Variants in GRIP1 observed in about 807,000 individuals in gnomAD.
The protein encoded by GRIP1 is glutamate receptor-interacting protein 1.
Under a neutral mutation model 129.9 loss-of-function variants are expected in GRIP1, and 45 were observed. The ratio of observed to expected loss-of-function variants is 0.35; its 90% CI spans 0.27 to 0.44. The LOEUF (loss-of-function observed/expected upper bound fraction) is 0.44. GRIP1 is among the 20% of genes least tolerant of loss of function. The pLI is 1.00. For synonymous variants in GRIP1, 530 were observed against 520.8 expected (o/e 1.02, Z -0.24); for missense variants, 1,196 against 1,396.8 (o/e 0.86, Z 2.29).
At chr12:66,667,277 A>C (rs1210253716) in intron 1 of GRIP1, among the ~76,000 whole-genome samples, 1 of 152,072 alleles carries the variant, frequency 6.6e-6, no homozygotes, top group East Asian at 1.9e-4. Flanking sequence ...ATAGTTTTAT[A>C]TTCTGTGAAT....
At chr12:66,939,837 C>T (rs1000592779) in intron 1 of GRIP1, among the ~76,000 whole-genome samples, 9 of 152,138 alleles carry the variant, frequency 5.9e-5, no homozygotes, top group African/African-American at 2.2e-4. Flanking sequence ...TACCAGTATA[C>T]ATTCTCCAAT....
intron 5 of GRIP1, among the ~76,000 whole-genome samples, chr12:66,528,558 A>G (rs2139083568): frequency 6.6e-6 from 1 of 152,312 alleles, no homozygotes; most frequent in African/African-American, 2.4e-5. Flanking sequence ...TCTTCGATCC[A>G]TTTTTAGAAA....
At chr12:66,456,478 C>A in intron 9 of GRIP1, 136 bp from the exon 10 acceptor site, 1 of 409,862 alleles carries the variant, frequency 2.4e-6, no homozygotes, top group Non-Finnish European at 4.3e-6. Flanking sequence ...AAAAACAAAT[C>A]TACTTGGCTT....
At chr12:67,044,057 A>G (rs1407796400) in intron 1 of GRIP1, among the ~76,000 whole-genome samples, 1 of 152,186 alleles carries the variant, frequency 6.6e-6, no homozygotes, top group Non-Finnish European at 1.5e-5. Context: ...TTTAATCTTA[A>G]GATAGGTGCC....
At chr12:66,389,330 C>T (rs1468832859) in intron 19 of GRIP1, among the ~76,000 whole-genome samples, 3 of 152,124 alleles carry the variant, frequency 2.0e-5, no homozygotes, top group East Asian at 1.9e-4. Context: ...CTGGTTCAAG[C>T]GATTCTCCTG....
intron 1 of GRIP1, among the ~76,000 whole-genome samples, chr12:67,013,349 T>C (rs1236442921): frequency 2.6e-5 from 4 of 152,196 alleles, no homozygotes; most frequent in African/African-American, 9.6e-5. Flanking sequence ...TTTTAAACAA[T>C]GAACATATAT....
At chr12:66,977,338 A>C (rs1046461047) in intron 1 of GRIP1, among the ~76,000 whole-genome samples, 6 of 151,834 alleles carry the variant, frequency 4.0e-5, no homozygotes, top group African/African-American at 1.5e-4. Context: ...ACTGACTATA[A>C]ATTTACATTT....
chr12:66,993,020 G>A (rs986835934), intron 1 of GRIP1, among the ~76,000 whole-genome samples: 2 of 152,036 alleles, frequency 1.3e-5, no homozygotes, highest in African/African-American at 4.8e-5. Context: ...AGGCTGAGAT[G>A]GGAGCATCTC....
intron 7 of GRIP1, among the ~76,000 whole-genome samples, chr12:66,496,478 A>G (rs1282293124): frequency 6.6e-6 from 1 of 152,210 alleles, no homozygotes; most frequent in Non-Finnish European, 1.5e-5. Context: ...GCTGAACACA[A>G]GGTCATACAG....
chr12:66,977,968 A>G (rs909871735), intron 1 of GRIP1, among the ~76,000 whole-genome samples: 1 of 151,754 alleles, frequency 6.6e-6, no homozygotes, highest in African/African-American at 2.4e-5. Flanking sequence ...GCACACTACC[A>G]TAACTGGCTA....
At chr12:66,604,369 G>T (rs1005660122) in intron 1 of GRIP1, among the ~76,000 whole-genome samples, 5 of 152,182 alleles carry the variant, frequency 3.3e-5, no homozygotes, top group Admixed American at 3.3e-4. Flanking sequence ...AATCACAAAT[G>T]ATAACTCCTA....
chr12:66,515,480 G>C, intron 7 of GRIP1, 139 bp downstream of exon 7: 1 of 837,774 alleles, frequency 1.2e-6, no homozygotes, highest in South Asian at 1.4e-5. Flanking sequence ...AACTCAAACA[G>C]AGTAAAATGA....
chr12:66,618,649 C>A lies in GRIP1; in HGVS notation c.56-21722G>T, dbSNP rs531246739. On this transcript the variant is annotated intron_variant, in intron 1 of 24. Coordinates refer to ENST00000359742, the MANE Select transcript of GRIP1 (RefSeq NM_001366722.1). ...TATCTTTTGCAACTTTCTTTGCCAACAAAGTCTAGTAAATATAAAAAGATT... is the reference window on the plus strand; with the variant it reads ...TATCTTTTGCAACTTTCTTTGCCAAAAAAGTCTAGTAAATATAAAAAGATT... 4.4e-4 allele frequency among the ~76,000 whole-genome samples: 67 copies of A among 152,184 alleles called. 1 individual carries two copies. The highest frequency in any genetic ancestry group is 4.4e-5 in the Non-Finnish European group (3 of 67,978).
chr12:66,597,010 T>C (rs984230598), intron 1 of GRIP1, 83 bp from the exon 2 acceptor site: 2 of 940,050 alleles, frequency 2.1e-6, no homozygotes, highest in African/African-American at 3.2e-5. Flanking sequence ...GCAATCCTTC[T>C]GCGAGAGAGA....
At chr12:66,645,295 T>C (rs750203576) in intron 1 of GRIP1, among the ~76,000 whole-genome samples, 1 of 152,150 alleles carries the variant, frequency 6.6e-6, no homozygotes, top group Non-Finnish European at 1.5e-5. Context: ...ATCTCAACAG[T>C]CATTAACAGA....
At chr12:66,721,976 G>C (rs757297799) in intron 1 of GRIP1, among the ~76,000 whole-genome samples, 1 of 152,190 alleles carries the variant, frequency 6.6e-6, no homozygotes, top group Non-Finnish European at 1.5e-5. Flanking sequence ...TTAGGGCATT[G>C]CTCTGGATTA....
intron 23 of GRIP1, among the ~76,000 whole-genome samples, chr12:66,367,827 A>T (rs1473797387): frequency 2.0e-5 from 3 of 152,124 alleles, no homozygotes; most frequent in Non-Finnish European, 2.9e-5. Context: ...CTTCCCTGTG[A>T]CCCATTTATC....
At chr12:66,931,741 T>C (rs1482714944) in intron 1 of GRIP1, among the ~76,000 whole-genome samples, 1 of 152,138 alleles carries the variant, frequency 6.6e-6, no homozygotes, top group Non-Finnish European at 1.5e-5. Flanking sequence ...TTAGATAAAA[T>C]ACCAGAGAAG....
chr12:66,446,487 C>T (rs976072108), intron 11 of GRIP1, among the ~76,000 whole-genome samples: 2 of 152,210 alleles, frequency 1.3e-5, no homozygotes, highest in Non-Finnish European at 2.9e-5. Context: ...ACTCCCTCTA[C>T]AGGTGGCAGG....
Sources: allele counts gnomAD v4.1 joint callset (sites outside exome capture counted in the v4.1 genomes callset), GRCh38; gene constraint gnomAD v4.1.1; transcripts MANE v1.5; gene names NCBI Gene and HGNC (gene_info 2026-07-23, HGNC 2026-07-21).